ARHGAP24: variants seen among roughly 807,000 people sequenced by gnomAD.
ARHGAP24 encodes the protein Rho GTPase activating protein 24.
A neutral mutation model predicts 76.4 loss-of-function variants in ARHGAP24; 50 were observed. The ratio of observed to expected loss-of-function variants is 0.65; its 90% CI spans 0.52 to 0.83. The LOEUF (loss-of-function observed/expected upper bound fraction) is 0.83. Ranked by LOEUF, ARHGAP24 falls within the 40% of genes least tolerant of loss-of-function variation. ARHGAP24 has a pLI of 0.00. For missense variants in ARHGAP24, 930 were observed against 914.2 expected, an observed-to-expected ratio of 1.02 and a Z score of -0.22; for synonymous variants, 345 against 323.3, an observed-to-expected ratio of 1.07 and a Z score of -0.72.
Position 85,977,692 on chromosome 4 carries a change from G to T in ARHGAP24, c.928+1G>T. ...GAAGATCCTTTGACTATCATGGAGGGTAAGTAAATGATTATCTTATACCCT... is the reference window on the plus strand; with the variant it reads ...GAAGATCCTTTGACTATCATGGAGGTTAAGTAAATGATTATCTTATACCCT... On this transcript the variant is annotated splice_donor_variant, in intron 8 of 9. Coordinates refer to ENST00000395184, the MANE Select transcript of ARHGAP24 (RefSeq NM_001025616.3). LOFTEE classifies it high-confidence loss of function. 1 of 1,613,484 alleles carries T rather than the reference G, an allele frequency of 6.2e-7. No homozygotes were observed. Among genetic ancestry groups the T allele is most frequent in the Non-Finnish European group, 8.5e-7 (1 of 1,179,538 alleles).
intron 2 of ARHGAP24, chr4:85,571,027 TATATC>T: frequency 3.7e-6 from 1 of 270,542 alleles, no homozygotes; most frequent in East Asian, 8.4e-5. Context: ...TGCTAAAAGA[TATATC>T]ATAGCCAAAA....
chr4:85,971,011 G>A (rs168308), intron 5 of ARHGAP24, among the ~76,000 whole-genome samples: 54,131 of 151,974 alleles, frequency 0.36, 9,822 homozygotes, highest in East Asian at 0.53. Context: ...CTCAGAAGAG[G>A]ATACAAATAA....
chr4:85,802,764 C>A (rs1164789901), intron 3 of ARHGAP24, among the ~76,000 whole-genome samples: 1 of 152,184 alleles, frequency 6.6e-6, no homozygotes. Context: ...GCACTCCAAC[C>A]TGGGCAACAA....
intron 3 of ARHGAP24, among the ~76,000 whole-genome samples, chr4:85,771,751 C>T (rs1004425997): frequency 3.9e-5 from 6 of 151,972 alleles, no homozygotes; most frequent in Non-Finnish European, 7.4e-5. Context: ...ACTTTGTTGC[C>T]CAGGCTTGAG....
intron 2 of ARHGAP24, among the ~76,000 whole-genome samples, chr4:85,620,110 G>A (rs1720667525): frequency 6.6e-6 from 1 of 151,790 alleles, no homozygotes; most frequent in Non-Finnish European, 1.5e-5. Flanking sequence ...AGAAATATTG[G>A]ATTTTTATTC....
At chr4:85,987,282 C>G (rs1740059199) in intron 8 of ARHGAP24, among the ~76,000 whole-genome samples, 1 of 152,106 alleles carries the variant, frequency 6.6e-6, no homozygotes. Flanking sequence ...AAAAATTAAG[C>G]TTATTAACAT....
At chr4:85,893,753 T>A (rs1460211897) in intron 3 of ARHGAP24, among the ~76,000 whole-genome samples, 1 of 150,868 alleles carries the variant, frequency 6.6e-6, no homozygotes, top group South Asian at 2.1e-4. Context: ...TGGGCTTTCC[T>A]TTGAGGGTAA....
intron 2 of ARHGAP24, among the ~76,000 whole-genome samples, chr4:85,667,354 G>A (rs867312282): frequency 5.9e-5 from 9 of 152,324 alleles, no homozygotes; most frequent in Middle Eastern, 3.4e-3. Flanking sequence ...CGTCGGAAAA[G>A]CGCAGTATTA....
At chr4:85,510,101 C>T (rs1724215358) in intron 1 of ARHGAP24, among the ~76,000 whole-genome samples, 1 of 152,030 alleles carries the variant, frequency 6.6e-6, no homozygotes, top group Non-Finnish European at 1.5e-5. Flanking sequence ...TGTGATGTGG[C>T]GGCTCTTAAA....
intron 2 of ARHGAP24, among the ~76,000 whole-genome samples, chr4:85,625,499 G>T (rs1720911689): frequency 6.6e-6 from 1 of 152,102 alleles, no homozygotes; most frequent in Admixed American, 6.6e-5. Flanking sequence ...CAACTATGTG[G>T]TCAATTTTGG....
intron 3 of ARHGAP24, among the ~76,000 whole-genome samples, chr4:85,822,673 AC>A (rs568619680): frequency 6.6e-5 from 10 of 152,182 alleles, no homozygotes; most frequent in Non-Finnish European, 1.2e-4. Context: ...TTGTTAGTTC[AC>A]CATTTCTTTT....
chr4:85,734,227 T>A (rs1725520693), intron 3 of ARHGAP24, among the ~76,000 whole-genome samples: 1 of 152,230 alleles, frequency 6.6e-6, no homozygotes, highest in Admixed American at 6.5e-5. Context: ...TAGCTATTTT[T>A]CCTGAAAATT....
intron 2 of ARHGAP24, among the ~76,000 whole-genome samples, chr4:85,694,833 T>C (rs1723811699): frequency 1.3e-5 from 2 of 152,210 alleles, no homozygotes; most frequent in South Asian, 4.1e-4. Context: ...TCAATGGATC[T>C]TCATCTTGAT....
intron 1 of ARHGAP24, among the ~76,000 whole-genome samples, chr4:85,499,257 C>G (rs180961026): frequency 6.6e-6 from 1 of 152,288 alleles, no homozygotes; most frequent in African/African-American, 2.4e-5. Context: ...AGTGACTGGT[C>G]TAAAAAGGGC....
intron 6 of ARHGAP24, among the ~76,000 whole-genome samples, chr4:85,973,833 GTTTTTTTTTTTTTT>G (rs1199796194): frequency 1.2e-4 from 5 of 42,820 alleles, no homozygotes; most frequent in Non-Finnish European, 1.7e-4. Context: ...GCTGCCTATT[GTTTTTTTTTTTTTT>G]TTTTTTTTTT....
chr4:85,862,198 A>C (rs911633446), intron 3 of ARHGAP24, among the ~76,000 whole-genome samples: 7 of 152,058 alleles, frequency 4.6e-5, no homozygotes, highest in Non-Finnish European at 1.0e-4. Context: ...GATTTTAATT[A>C]AGCAATGAAT....
chr4:85,616,180 A>G (rs1206673093), intron 2 of ARHGAP24, among the ~76,000 whole-genome samples: 2 of 152,210 alleles, frequency 1.3e-5, no homozygotes, highest in Non-Finnish European at 2.9e-5. Flanking sequence ...AACCAAAGGC[A>G]TGAAACTATA....
chr4:85,622,948 G>A (rs1296602590), intron 2 of ARHGAP24, among the ~76,000 whole-genome samples: 9 of 151,714 alleles, frequency 5.9e-5, no homozygotes, highest in Non-Finnish European at 8.8e-5. Flanking sequence ...GGGGTTGTTT[G>A]TTTTTTTCTT....
intron 5 of ARHGAP24, among the ~76,000 whole-genome samples, chr4:85,955,292 A>G (rs1295134820): frequency 6.9e-6 from 1 of 144,674 alleles, no homozygotes; most frequent in African/African-American, 2.6e-5. Context: ...AAATTCACCC[A>G]ATTCCCCTTC....
Sources: allele counts gnomAD v4.1 joint callset (sites outside exome capture counted in the v4.1 genomes callset), GRCh38; gene constraint gnomAD v4.1.1; transcripts MANE v1.5; gene names NCBI Gene and HGNC (gene_info 2026-07-23, HGNC 2026-07-21).